CCSER1: variants seen among roughly 807,000 people sequenced by gnomAD.
CCSER1 encodes serine-rich coiled-coil domain-containing protein 1.
Under a neutral mutation model 82.0 loss-of-function variants are expected in CCSER1, and 41 were observed. That is an observed-to-expected ratio of 0.50 (90% CI 0.39 to 0.65). The LOEUF is 0.65. Among genes scored for constraint, CCSER1 ranks in the 30% least tolerant of loss-of-function variants. CCSER1 has a pLI of 0.00. For missense variants in CCSER1, 1,119 were observed against 1,064.2 expected, an observed-to-expected ratio of 1.05 and a Z score of -0.72; for synonymous variants, 414 against 383.9, an observed-to-expected ratio of 1.08 and a Z score of -0.92.
At chr4:90,916,030 G>C (rs941512480) in intron 8 of CCSER1, among the ~76,000 whole-genome samples, 1 of 152,098 alleles carries the variant, frequency 6.6e-6, no homozygotes, top group African/African-American at 2.4e-5. Flanking sequence ...CAAACAAATG[G>C]AAGAACATTC....
rs751331396 is a variant in CCSER1, at chr4:90,460,324, C to CAAAAAA, written c.1604-7894_1604-7889dup. Among the ~76,000 whole-genome samples, 96 of 32,642 alleles carry CAAAAAA rather than the reference C, an allele frequency of 2.9e-3. 3 individuals carry two copies. The highest frequency in any genetic ancestry group is 4.5e-3 in the Non-Finnish European group (78 of 17,184). The allele number at this position is 32,642 out of a possible 152,430, so 21.4% of individuals were successfully genotyped here. ...TGGGCGACAGAGCGAAACTCCGTCT[C>CAAAAAA]AAAAAAAAAAAAAAAAAAAAACTAA... On this transcript the variant is annotated intron_variant, in intron 4 of 10. Transcript: ENST00000509176.
chr4:91,248,823 A>G (rs904724798), intron 10 of CCSER1, among the ~76,000 whole-genome samples: 1 of 152,192 alleles, frequency 6.6e-6, no homozygotes, highest in African/African-American at 2.4e-5. Flanking sequence ...AATATAAGAT[A>G]TTATTGTGGA....
intron 10 of CCSER1, among the ~76,000 whole-genome samples, chr4:91,492,523 T>C (rs1312330987): frequency 2.6e-5 from 4 of 152,092 alleles, no homozygotes; most frequent in Non-Finnish European, 4.4e-5. Flanking sequence ...ATCCCCCAGA[T>C]AAGTCCAACT....
intron 8 of CCSER1, among the ~76,000 whole-genome samples, chr4:90,820,477 A>C (rs1361442211): frequency 6.6e-6 from 1 of 152,158 alleles, no homozygotes. Context: ...CTCACATGAT[A>C]GAAAGGCAGA....
chr4:90,270,168 G>A (rs1213059102), intron 1 of CCSER1, among the ~76,000 whole-genome samples: 1 of 152,032 alleles, frequency 6.6e-6, no homozygotes, highest in Non-Finnish European at 1.5e-5. Flanking sequence ...AACTCATTCT[G>A]TAAGGCCAGC....
At chr4:90,662,900 C>G (rs944612927) in intron 6 of CCSER1, among the ~76,000 whole-genome samples, 1 of 152,024 alleles carries the variant, frequency 6.6e-6, no homozygotes, top group Admixed American at 6.6e-5. Context: ...ATTTTCTTTC[C>G]TTGGCAGTTT....
chr4:91,455,109 G>A (rs1007686254), intron 10 of CCSER1, among the ~76,000 whole-genome samples: 1 of 152,018 alleles, frequency 6.6e-6, no homozygotes, highest in African/African-American at 2.4e-5. Flanking sequence ...AAATATTTGA[G>A]TTTAATAAAA....
intron 10 of CCSER1, among the ~76,000 whole-genome samples, chr4:91,411,491 C>CATACATATAT (rs1186692045): frequency 3.7e-5 from 2 of 53,794 alleles, no homozygotes; most frequent in East Asian, 1.4e-3. Context: ...TGCATATATA[C>CATACATATAT]ATATATATAT....
rs72872904 is a variant in CCSER1 at position 91,139,379 on chromosome 4, C to T, written c.2217+53385C>T. On this transcript the variant is annotated intron_variant, in intron 10 of 10. Coordinates refer to ENST00000509176, the MANE Select transcript of CCSER1 (RefSeq NM_001145065.2). Reference sequence around the variant, plus strand: ...TTTGTGCTGAGCATTGTGCTACATCCTTCTTCAGAACAACAATTTGAGGAC... The same window carrying T: ...TTTGTGCTGAGCATTGTGCTACATCTTTCTTCAGAACAACAATTTGAGGAC... Among the ~76,000 whole-genome samples, 1,370 of 152,090 alleles carry T rather than the reference C, an allele frequency of 9.0e-3. 20 individuals carry two copies. Among genetic ancestry groups the T allele is most frequent in the African/African-American group, 0.031 (1,285 of 41,468 alleles).
intron 10 of CCSER1, among the ~76,000 whole-genome samples, chr4:91,572,788 C>A (rs1763247515): frequency 6.6e-6 from 1 of 151,402 alleles, no homozygotes; most frequent in Admixed American, 6.6e-5. Flanking sequence ...ATGTCAAAAC[C>A]CTGTCTCTAC....
chr4:90,644,183 T>A (rs1727071441), intron 6 of CCSER1, among the ~76,000 whole-genome samples: 1 of 152,136 alleles, frequency 6.6e-6, no homozygotes, highest in African/African-American at 2.4e-5. Flanking sequence ...ATTTCAGAGT[T>A]TTTGGATTTT....
At chr4:91,578,820 G>A (rs1306618570) in intron 10 of CCSER1, among the ~76,000 whole-genome samples, 2 of 151,828 alleles carry the variant, frequency 1.3e-5, no homozygotes, top group African/African-American at 4.8e-5. Flanking sequence ...TGTGGTTCAG[G>A]TGTTTGTTAT....
At chr4:91,127,758 T>A (rs1581606515) in intron 10 of CCSER1, among the ~76,000 whole-genome samples, 1 of 152,214 alleles carries the variant, frequency 6.6e-6, no homozygotes, top group South Asian at 2.1e-4. Flanking sequence ...TGACTGGTCA[T>A]GACTAATCGA....
At chr4:91,266,582 G>A (rs1235276490) in intron 10 of CCSER1, among the ~76,000 whole-genome samples, 1 of 152,062 alleles carries the variant, frequency 6.6e-6, no homozygotes, top group Non-Finnish European at 1.5e-5. Context: ...ACGCTTTCCT[G>A]TGTGACTATG....
At chr4:90,952,212 A>G (rs1732986111) in intron 9 of CCSER1, among the ~76,000 whole-genome samples, 1 of 152,108 alleles carries the variant, frequency 6.6e-6, no homozygotes, top group African/African-American at 2.4e-5. Flanking sequence ...AAGTCAAACT[A>G]TATGAGAGGA....
At chr4:91,363,821 A>G (rs1394489948) in intron 10 of CCSER1, among the ~76,000 whole-genome samples, 3 of 151,486 alleles carry the variant, frequency 2.0e-5, no homozygotes, top group Admixed American at 6.6e-5. Context: ...TTCAGAAACA[A>G]CCCTTTTTCA....
intron 10 of CCSER1, among the ~76,000 whole-genome samples, chr4:91,367,985 G>T (rs1446929566): frequency 1.3e-5 from 2 of 151,984 alleles, no homozygotes; most frequent in Admixed American, 1.3e-4. Context: ...TTTATTCTTA[G>T]TCTCTGTTAT....
At chr4:90,702,176 A>T (rs778862783) in intron 6 of CCSER1, among the ~76,000 whole-genome samples, 1 of 152,154 alleles carries the variant, frequency 6.6e-6, no homozygotes, top group Non-Finnish European at 1.5e-5. Flanking sequence ...GGGAGTTTTT[A>T]GCATGAAGGG....
intron 10 of CCSER1, among the ~76,000 whole-genome samples, chr4:91,169,073 G>A (rs904739267): frequency 2.6e-5 from 4 of 151,796 alleles, no homozygotes; most frequent in Admixed American, 6.6e-5. Context: ...AAGGCCACAG[G>A]GACCTCTGCC....
Sources: allele counts gnomAD v4.1 joint callset (sites outside exome capture counted in the v4.1 genomes callset), GRCh38; gene constraint gnomAD v4.1.1; transcripts MANE v1.5; gene names NCBI Gene and HGNC (gene_info 2026-07-23, HGNC 2026-07-21).